ARL6: variants seen among roughly 807,000 people sequenced by gnomAD.
ARL6 encodes the protein ADP-ribosylation factor-like protein 6.
A neutral mutation model predicts 27.1 loss-of-function variants in ARL6; 18 were observed. The ratio of observed to expected loss-of-function variants is 0.66; its 90% CI spans 0.46 to 0.98. ARL6 has a LOEUF of 0.98. Ranked by LOEUF, ARL6 falls within the 50% of genes least tolerant of loss-of-function variation. ARL6 has a pLI of 0.00. For synonymous variants in ARL6, 65 were observed against 72.3 expected (o/e 0.90, Z 0.51); for missense variants, 187 against 214.9 (o/e 0.87, Z 0.81).
intron 2 of ARL6, 48 bp downstream of exon 2, chr3:97,768,278 A>T: frequency 6.3e-7 from 1 of 1,589,190 alleles, no homozygotes; most frequent in Non-Finnish European, 8.6e-7. Flanking sequence ...TACTAAAGAA[A>T]ATTAATGTGC....
intron 2 of ARL6, among the ~76,000 whole-genome samples, chr3:97,769,226 T>C (rs1332378044): frequency 6.6e-6 from 1 of 152,080 alleles, no homozygotes; most frequent in East Asian, 1.9e-4. Flanking sequence ...TGTTTATTTA[T>C]TGTTAATGTA....
At chr3:97,778,927 T>C (rs574055020) in intron 2 of ARL6, among the ~76,000 whole-genome samples, 78 of 151,360 alleles carry the variant, frequency 5.2e-4, no homozygotes, top group Non-Finnish European at 9.7e-4. Context: ...ATAAAGAATG[T>C]AAAAAAAAGG....
rs2038153516 is a variant in ARL6 at position 97,799,417 on chromosome 3, A to T, written c.*1368A>T. On this transcript the variant is annotated 3_prime_UTR_variant, in exon 8 of 8. Transcript: ENST00000463745. ...ATTCCAATGGCTCAGCATCTTAGCT[A>T]GTTTACCATCTCTCTTGTAAATTGT... 6.6e-6 allele frequency: 1 copy of T among 152,112 alleles called. No individual in the cohort carries two copies. Among genetic ancestry groups the T allele is most frequent in the African/African-American group, 2.4e-5 (1 of 41,450 alleles). The allele number at this position is 152,112 out of a possible 1,614,324, so 9.4% of individuals were successfully genotyped here.
chr3:97,765,378 G>C (rs187097639), intron 1 of ARL6, among the ~76,000 whole-genome samples: 2 of 152,232 alleles, frequency 1.3e-5, no homozygotes, highest in East Asian at 3.9e-4. Flanking sequence ...CATTCGTGGT[G>C]TTTTCTCTGG....
chr3:97,798,246 C>A lies in ARL6; in HGVS notation c.*197C>A. On this transcript the variant is annotated 3_prime_UTR_variant, in exon 8 of 8. Transcript: ENST00000463745. The stretch of plus-strand genomic sequence containing the variant: ...TTAATTATTTAAAAACTAAATATTC[C>A]CTCAAAAGGGCTCCCTAGAATTATC... The A allele has an allele frequency of 1.8e-6, 1 of 569,172 alleles. No individual in the cohort carries two copies. Among genetic ancestry groups the A allele is most frequent in the South Asian group, 2.5e-5 (1 of 40,654 alleles). The allele number at this position is 569,172 out of a possible 1,614,324, so 35.3% of individuals were successfully genotyped here.
chr3:97,784,980 A>G lies in ARL6; in HGVS notation c.280A>G (p.Ile94Val), dbSNP rs2037380307. ...YKEGQAIIFVIDSSDRLRMVV... is the reference protein window; with the variant it reads ...YKEGQAIIFVVDSSDRLRMVV... ...AGAAGGCCAAGCTATTATTTTTGTC[A>G]TTGATAGTAGTGATAGATTAAGAAT... The change falls in exon 5 of 8, where the codon ATT (isoleucine) becomes GTT (valine). Residue 94 changes from isoleucine (I) to valine (V), a missense_variant. Transcript: ENST00000463745. 1.2e-6 allele frequency: 2 copies of G among 1,612,582 alleles called. No homozygotes were observed. The highest frequency in any genetic ancestry group is 1.3e-5 in the African/African-American group (1 of 74,868).
intron 6 of ARL6, among the ~76,000 whole-genome samples, chr3:97,789,837 G>A (rs2037637746): frequency 6.6e-6 from 1 of 151,976 alleles, no homozygotes; most frequent in Admixed American, 6.6e-5. Flanking sequence ...GTGATACAGA[G>A]ATAAAATATT....
intron 7 of ARL6, among the ~76,000 whole-genome samples, chr3:97,796,851 C>T (rs2038027518): frequency 6.6e-6 from 1 of 152,112 alleles, no homozygotes; most frequent in African/African-American, 2.4e-5. Context: ...GAATTATATA[C>T]TCAGGCAGTA....
chr3:97,787,595 T>C (rs1296968060), intron 5 of ARL6, among the ~76,000 whole-genome samples: 1 of 152,202 alleles, frequency 6.6e-6, no homozygotes. Context: ...TATGATATTG[T>C]GACAAAAAAC....
chr3:97,793,847 A>G (rs1015806330), intron 7 of ARL6, among the ~76,000 whole-genome samples: 6 of 151,668 alleles, frequency 4.0e-5, no homozygotes, highest in African/African-American at 1.5e-4. Flanking sequence ...TATAGAAAGC[A>G]TTGACTGATA....
At position 97,800,092 on chromosome 3, in the gene ARL6, T is replaced by C. The variant is rs2038184765; in HGVS notation, c.*2043T>C. 1.3e-5 allele frequency: 2 copies of C among 152,144 alleles called. No homozygotes were observed. Among genetic ancestry groups the C allele is most frequent in the Non-Finnish European group, 1.5e-5 (1 of 68,010 alleles). 9.4% of individuals were successfully genotyped at this position (152,144 alleles called of 1,614,324 possible). A position where few individuals can be genotyped will look rare whatever the true frequency, so the allele number is the denominator to read the frequency against. ...TTTGATAAAAGTCCTTAAAACTATT[T>C]TGACATTAAATTATTTGGTATTCCA... On this transcript the variant is annotated 3_prime_UTR_variant, in exon 8 of 8. Coordinates refer to ENST00000463745, the MANE Select transcript of ARL6 (RefSeq NM_001278293.3).
chr3:97,792,040 A>G (rs1030877700), intron 7 of ARL6: 2 of 541,756 alleles, frequency 3.7e-6, no homozygotes, highest in Admixed American at 3.1e-5. Flanking sequence ...AAGTGTTTGA[A>G]TCTTTACAGT....
chr3:97,788,230 A>G (rs2108068800), intron 6 of ARL6, 111 bp downstream of exon 6: 2 of 1,137,690 alleles, frequency 1.8e-6, no homozygotes, highest in Non-Finnish European at 2.5e-6. Context: ...ATGGTGGCAT[A>G]TAAGCTAAGG....
intron 1 of ARL6, chr3:97,766,159 G>C (rs147462580): frequency 6.0e-4 from 92 of 152,232 alleles, no homozygotes; most frequent in African/African-American, 2.1e-3. Context: ...ATGCTTAAAG[G>C]GGGGAAAATG....
intron 2 of ARL6, among the ~76,000 whole-genome samples, chr3:97,779,756 C>T (rs1220402476): frequency 6.6e-6 from 1 of 151,824 alleles, no homozygotes; most frequent in Non-Finnish European, 1.5e-5. Flanking sequence ...GTCCCAGCTA[C>T]TCGGGAGGCT....
At chr3:97,767,578 A>AG (rs1255484258) in intron 1 of ARL6, among the ~76,000 whole-genome samples, 1 of 152,202 alleles carries the variant, frequency 6.6e-6, no homozygotes, top group African/African-American at 2.4e-5. Flanking sequence ...ACAAAATATA[A>AG]CAATGGGGCT....
At chr3:97,790,259 C>G (rs532575490) in intron 6 of ARL6, among the ~76,000 whole-genome samples, 3 of 151,938 alleles carry the variant, frequency 2.0e-5, no homozygotes, top group Admixed American at 6.6e-5. Context: ...AGTTAGAGAG[C>G]AATTCATGTG....
At chr3:97,772,525 CTTTA>C (rs977134986) in intron 2 of ARL6, among the ~76,000 whole-genome samples, 8 of 147,466 alleles carry the variant, frequency 5.4e-5, no homozygotes, top group South Asian at 2.2e-4. Flanking sequence ...TTGTTATGAT[CTTTA>C]TTTATTTCCT....
chr3:97,792,898 A>C (rs1345096250), intron 7 of ARL6, among the ~76,000 whole-genome samples: 1 of 152,190 alleles, frequency 6.6e-6, no homozygotes, highest in Non-Finnish European at 1.5e-5. Context: ...GGATATTATA[A>C]ATTCTAGCTA....
Sources: allele counts gnomAD v4.1 joint callset (sites outside exome capture counted in the v4.1 genomes callset), GRCh38; gene constraint gnomAD v4.1.1; transcripts MANE v1.5; gene names NCBI Gene and HGNC (gene_info 2026-07-23, HGNC 2026-07-21).